KDM3B: variants seen among roughly 807,000 people sequenced by gnomAD.
The protein encoded by KDM3B is lysine demethylase 3B.
Under a neutral mutation model 170.0 loss-of-function variants are expected in KDM3B, and 10 were observed. The observed-to-expected ratio is 0.06, with a 90% CI of 0.04 to 0.10. The LOEUF (loss-of-function observed/expected upper bound fraction) is 0.10. Ranked by LOEUF, KDM3B falls within the 10% of genes least tolerant of loss-of-function variation. The probability of loss-of-function intolerance (pLI) is 1.00; values close to 1 mark genes in which losing one functional copy is unlikely to be tolerated. For missense variants in KDM3B, 1,394 were observed against 2,195.2 expected (o/e 0.64, Z 7.29); for synonymous variants, 831 against 834.8 (o/e 1.00, Z 0.08).
chr5:138,384,983 A>G (rs867054677), intron 6 of KDM3B, among the ~76,000 whole-genome samples: 9 of 151,950 alleles, frequency 5.9e-5, no homozygotes, highest in Non-Finnish European at 1.2e-4. Context: ...TAGGCAAACA[A>G]AAGTTAATCT....
Position 138,424,101 on chromosome 5 carries a change from C to G in KDM3B, c.3999C>G (p.Pro1333=), listed in dbSNP as rs1185357455. 6.3e-7 allele frequency: 1 copy of G among 1,581,664 alleles called. No homozygotes were observed. The highest frequency in any genetic ancestry group is 1.3e-5 in the African/African-American group (1 of 74,112). The stretch of plus-strand genomic sequence containing the variant: ...GAGTGAAGAGCAAGGCCAGCCTACC[C>G]AACTTTCTTGACCACATCATTGCCT... ...SAGVKSKASL[P]NFLDHIIASV... The change falls in exon 16 of 24, where the codon CCC becomes CCG. Residue 1333 remains proline, a synonymous_variant. Transcript: ENST00000314358.
rs751234418 is a variant in KDM3B, at chr5:138,414,614, A to G, written c.3200-518A>G. On this transcript the variant is annotated intron_variant, in intron 11 of 23. Coordinates refer to ENST00000314358, the MANE Select transcript of KDM3B (RefSeq NM_016604.4). ...TGGTAGTTGTTCATTCAGTTTCTCT[A>G]AACTCACTGAAGTAAACACTTTAAA... Among the ~76,000 whole-genome samples the G allele has an allele frequency of 2.0e-5, 3 of 152,328 alleles. No individual in the cohort carries two copies. In the South Asian group the frequency reaches 6.2e-4, roughly 32 times the overall value.
chr5:138,390,168 T>C (rs1310623892), intron 7 of KDM3B, among the ~76,000 whole-genome samples: 1 of 151,946 alleles, frequency 6.6e-6, no homozygotes, highest in Non-Finnish European at 1.5e-5. Context: ...CCCATTCTTC[T>C]TTATACAGTC....
chr5:138,400,389 T>G (rs1447478465), intron 11 of KDM3B, among the ~76,000 whole-genome samples: 1 of 151,966 alleles, frequency 6.6e-6, no homozygotes, highest in African/African-American at 2.4e-5. Context: ...CCACCGTACC[T>G]GTGTTTTTTT....
At chr5:138,360,181 G>C (rs543151512) in intron 1 of KDM3B, among the ~76,000 whole-genome samples, 1 of 152,292 alleles carries the variant, frequency 6.6e-6, no homozygotes, top group South Asian at 2.1e-4. Flanking sequence ...TTCAGCCCTA[G>C]TTGAAATGGG....
intron 14 of KDM3B, among the ~76,000 whole-genome samples, chr5:138,419,668 A>AT (rs1554131122): frequency 0.044 from 4,836 of 109,186 alleles, 372 homozygotes; most frequent in African/African-American, 0.11. Context: ...AAAAAAAAAA[A>AT]ATATATATAT....
chr5:138,425,640 G>T (rs1270017070), intron 17 of KDM3B, 58 bp downstream of exon 17: 1 of 1,350,406 alleles, frequency 7.4e-7, no homozygotes, highest in East Asian at 2.3e-5. Context: ...GCATCTATAC[G>T]CCCAGCTCTG....
At chr5:138,384,350 A>G (rs2126939216) in intron 6 of KDM3B, among the ~76,000 whole-genome samples, 1 of 152,234 alleles carries the variant, frequency 6.6e-6, no homozygotes, top group East Asian at 1.9e-4. Context: ...CTGTAATCCC[A>G]GCACTTTGGG....
chr5:138,381,962 CT>C (rs34859059), intron 6 of KDM3B, among the ~76,000 whole-genome samples: 44,926 of 148,340 alleles, frequency 0.3, 7,427 homozygotes, highest in South Asian at 0.43. Context: ...ACTACGTCCA[CT>C]TTTTTTTTTT....
chr5:138,378,978 A>T (rs1762064220), intron 4 of KDM3B, among the ~76,000 whole-genome samples: 1 of 152,032 alleles, frequency 6.6e-6, no homozygotes, highest in Non-Finnish European at 1.5e-5. Context: ...TTGCAGGGTA[A>T]CATTACCTGC....
At chr5:138,375,463 C>T (rs1421904771) in intron 3 of KDM3B, among the ~76,000 whole-genome samples, 6 of 151,666 alleles carry the variant, frequency 4.0e-5, no homozygotes, top group Admixed American at 6.6e-5. Flanking sequence ...CTGCAACCTC[C>T]GCCTCCCCGG....
chr5:138,363,979 C>G (rs761505765), intron 1 of KDM3B, among the ~76,000 whole-genome samples: 2 of 148,288 alleles, frequency 1.3e-5, no homozygotes, highest in African/African-American at 5.0e-5. Flanking sequence ...TGCAGTGGCA[C>G]GATCTGTGCT....
intron 11 of KDM3B, among the ~76,000 whole-genome samples, chr5:138,400,227 GTTTTTT>G (rs1186065194): frequency 6.7e-6 from 1 of 148,888 alleles, no homozygotes; most frequent in Non-Finnish European, 1.5e-5. Flanking sequence ...TTTTTCCTTG[GTTTTTT>G]TTTTGTTTTT....
chr5:138,428,205 G>GT (rs763859008), intron 20 of KDM3B, 119 bp downstream of exon 20: 118,200 of 719,800 alleles, frequency 0.16, 253 homozygotes, highest in South Asian at 0.26. Flanking sequence ...TCTTTTTTCT[G>GT]TTTTTTTTTT....
rs182681334 is a variant in KDM3B, at chr5:138,393,358, C to T, written c.2817C>T (p.Phe939=). ...ATGATTCTACTGTAGCCTGCCGTTT[C>T]TTTCACTTCCGGAGGTACCCAAACT... ...EQDDSTVACR[F]FHFRRLIFTR... The change falls in exon 9 of 24, where the codon TTC becomes TTT. Residue 939 remains phenylalanine, a synonymous_variant. Transcript: ENST00000314358. 1.7e-4 allele frequency: 269 copies of T among 1,613,810 alleles called. 3 individuals are homozygous for T. In the East Asian group the frequency reaches 5.4e-3, roughly 32 times the overall value.
chr5:138,390,996 G>T lies in KDM3B; in HGVS notation c.1381-17G>T, dbSNP rs185780008. The T allele has an allele frequency of 6.5e-7, 1 of 1,531,104 alleles. No homozygotes were observed. The highest frequency in any genetic ancestry group is 2.3e-5 in the East Asian group (1 of 43,996). 94.8% of individuals were successfully genotyped at this position (1,531,104 alleles called of 1,614,324 possible). On this transcript the variant is annotated splice_polypyrimidine_tract_variant and intron_variant, in intron 7 of 23. Coordinates refer to ENST00000314358, the MANE Select transcript of KDM3B (RefSeq NM_016604.4). ...ATGAGAAGCCAGCATCACTAATTCA[G>T]GCTATCTTCCTTTCAGAATTCAAGA...
At chr5:138,394,537 C>T (rs1223116182) in intron 9 of KDM3B, among the ~76,000 whole-genome samples, 11 of 152,136 alleles carry the variant, frequency 7.2e-5, no homozygotes, top group Admixed American at 6.6e-4. Flanking sequence ...TGAAAGAATA[C>T]ACCACACTGT....
intron 23 of KDM3B, among the ~76,000 whole-genome samples, chr5:138,433,550 G>T (rs1763594569): frequency 6.6e-6 from 1 of 150,612 alleles, no homozygotes; most frequent in Non-Finnish European, 1.5e-5. Flanking sequence ...TGGGATTGCA[G>T]GCATGCACCA....
rs77413831 is a variant in KDM3B at position 138,429,974 on chromosome 5, C to T, written c.4893+9C>T. ...GGGAGCTGCTCCGAAAGGTACGCCC[C>T]TGGGTGGGCTGTGCTCCCAGCTCAC... On this transcript the variant is annotated intron_variant, in intron 21 of 23. Transcript: ENST00000314358. 0.066 allele frequency: 106,187 copies of T among 1,613,604 alleles called. 3,912 individuals are homozygous for T. The highest frequency in any genetic ancestry group is 0.075 in the Non-Finnish European group (88,439 of 1,179,788).
Sources: gnomAD v4.1 joint callset for allele counts (sites outside exome capture counted in the v4.1 genomes callset) on GRCh38, gnomAD v4.1.1 for gene constraint, MANE v1.5 for transcripts, NCBI Gene and HGNC (gene_info 2026-07-23, HGNC 2026-07-21) for gene names.